Variants in SARAF observed in about 807,000 individuals in gnomAD.
The protein encoded by SARAF is store-operated calcium entry associated regulatory factor.
SARAF carries 23 observed loss-of-function variants against 39.7 expected under a neutral mutation model. The observed-to-expected ratio is 0.58, with a 90% CI of 0.42 to 0.82. SARAF has a LOEUF of 0.82. Ranked by LOEUF, SARAF falls within the 40% of genes least tolerant of loss-of-function variation. The pLI, the probability that SARAF is intolerant of heterozygous loss-of-function variation, is 0.00. For synonymous variants in SARAF, 175 were observed against 168.5 expected, an observed-to-expected ratio of 1.04 and a Z score of -0.30; for missense variants, 384 against 418.5, an observed-to-expected ratio of 0.92 and a Z score of 0.72.
chr8:30,068,959 A>T (rs1414090005), intron 3 of SARAF, among the ~76,000 whole-genome samples: 1 of 152,022 alleles, frequency 6.6e-6, no homozygotes, highest in Non-Finnish European at 1.5e-5. Flanking sequence ...AGGTCATAAC[A>T]AATATTCTCC....
chr8:30,070,243 A>T (rs146054147), intron 2 of SARAF, among the ~76,000 whole-genome samples, 184 bp from the exon 3 acceptor site: 1,738 of 152,190 alleles, frequency 0.011, 37 homozygotes, highest in African/African-American at 0.04. Flanking sequence ...CCCCATCTTT[A>T]TTAAAAATAC....
rs1157747718 is a variant in SARAF at position 30,066,000 on chromosome 8, T to C, written c.982A>G (p.Arg328Gly). The change falls in exon 5 of 6, where the codon AGA (arginine) becomes GGA (glycine). Residue 328 changes from arginine (R) to glycine (G), a missense_variant. Arg to Gly is a moderately radical substitution (Grantham distance 125). Coordinates refer to ENST00000256255, the MANE Select transcript of SARAF (RefSeq NM_016127.6). ...TTTTTGCTCTTACCTGATGCAGTTC[T>C]GGTTTTCGTGTCTGAGTTTGAACAT... is the stretch of plus-strand genomic sequence containing the variant. The part of the protein sequence containing the change: ...SVCSNSDTKT[R>G]TASGYGGTRR... The C allele has an allele frequency of 1.9e-6, 3 of 1,614,176 alleles. No homozygotes were observed. The highest frequency in any genetic ancestry group is 2.2e-5 in the East Asian group (1 of 44,878).
intron 5 of SARAF, among the ~76,000 whole-genome samples, chr8:30,064,769 G>A (rs1238421708): frequency 6.6e-6 from 1 of 151,142 alleles, no homozygotes; most frequent in Non-Finnish European, 1.5e-5. Context: ...CACCATGTTG[G>A]GCAGGCTAGT....
chr8:30,065,261 G>A (rs549201862), intron 5 of SARAF, among the ~76,000 whole-genome samples: 5 of 152,160 alleles, frequency 3.3e-5, no homozygotes, highest in Non-Finnish European at 5.9e-5. Context: ...ATATATCTGA[G>A]AGCAAAACTG....
intron 2 of SARAF, among the ~76,000 whole-genome samples, chr8:30,070,868 AC>A: frequency 6.6e-6 from 1 of 152,302 alleles, no homozygotes; most frequent in East Asian, 1.9e-4. Flanking sequence ...CCATGGACTA[AC>A]TTTCCAAGGT....
intron 2 of SARAF, among the ~76,000 whole-genome samples, chr8:30,070,863 G>A (rs1242793036): frequency 6.6e-6 from 1 of 152,004 alleles, no homozygotes; most frequent in Non-Finnish European, 1.5e-5. Flanking sequence ...TAAAACCATG[G>A]ACTAACTTTC....
At chr8:30,065,553 T>A (rs969300442) in intron 5 of SARAF, among the ~76,000 whole-genome samples, 4 of 152,226 alleles carry the variant, frequency 2.6e-5, no homozygotes, top group African/African-American at 9.6e-5. Flanking sequence ...TTGTTTTTTT[T>A]GTATCTTTGC....
intron 2 of SARAF, among the ~76,000 whole-genome samples, chr8:30,071,122 C>A (rs934203725): frequency 1.3e-5 from 2 of 152,188 alleles, no homozygotes; most frequent in Non-Finnish European, 2.9e-5. Flanking sequence ...GGGCGGATCA[C>A]CTGAGGTCAG....
Position 30,069,645 on chromosome 8 carries a change from T to G in SARAF, c.697A>C (p.Thr233Pro). 6.2e-7 allele frequency: 1 copy of G among 1,613,790 alleles called. No homozygotes were observed. The highest frequency in any genetic ancestry group is 8.5e-7 in the Non-Finnish European group (1 of 1,179,796). The change falls in exon 3 of 6, where the codon ACA (threonine) becomes CCA (proline). Residue 233 changes from threonine (T) to proline (P), a missense_variant. Physicochemically the swap from Thr to Pro is conservative, Grantham distance 38 (BLOSUM62 -1). Transcript: ENST00000256255. ...PPPPGFKSEF[T>P]GPQNTGHGAT... ...GGCCACTGCGAGGGAAACATACCTG[T>G]GAACTCAGACTTAAAGCCTGGGGGA...
chr8:30,069,515 A>C, intron 3 of SARAF, 127 bp downstream of exon 3: 1 of 1,021,396 alleles, frequency 9.8e-7, no homozygotes, highest in Non-Finnish European at 1.5e-6. Flanking sequence ...AGTTGAAAGT[A>C]AAAAACAAAA....
At chr8:30,067,875 A>T (rs1801728060) in intron 3 of SARAF, among the ~76,000 whole-genome samples, 1 of 152,228 alleles carries the variant, frequency 6.6e-6, no homozygotes, top group Non-Finnish European at 1.5e-5. Context: ...CCAGGTATGT[A>T]CATAGGAATA....
Position 30,082,939 on chromosome 8 carries a change from G to A in SARAF, c.11C>T (p.Ala4Val). Residue 4 changes from alanine to valine, a missense_variant, in exon 1 of 6, where the codon GCC becomes GTC. Coordinates refer to ENST00000256255, the MANE Select transcript of SARAF (RefSeq NM_016127.6). MAA[A>V]CGPGAAGYCL... The stretch of plus-strand genomic sequence containing the variant: ...GTACCCGGCCGCTCCCGGCCCGCAG[G>A]CTGCGGCCATGGCGCTCGATGAAGA... 1.3e-6 allele frequency: 2 copies of A among 1,545,628 alleles called. No homozygotes were observed. The highest frequency in any genetic ancestry group is 1.2e-5 in the South Asian group (1 of 83,476).
At chr8:30,069,062 A>G (rs10046786) in intron 3 of SARAF, among the ~76,000 whole-genome samples, 148,920 of 151,156 alleles carry the variant, frequency 0.99, 73,392 homozygotes, top group Middle Eastern at 1. Flanking sequence ...GTGAGACAGG[A>G]GTCAGGGCAA....
chr8:30,080,066 A>ACCATGGGATGACACAGC, intron 1 of SARAF, among the ~76,000 whole-genome samples: 2 of 152,146 alleles, frequency 1.3e-5, no homozygotes, highest in African/African-American at 4.8e-5. Context: ...TGCTCAAGCC[A>ACCATGGGATGACACAGC]AAAACCTTGG....
chr8:30,064,551 A>ATT (rs1387887357), intron 5 of SARAF, among the ~76,000 whole-genome samples: 824 of 45,974 alleles, frequency 0.018, 52 homozygotes, highest in Non-Finnish European at 0.021. Context: ...ATATATATAT[A>ATT]TATATATATA....
intron 2 of SARAF, chr8:30,073,602 C>A: frequency 3.1e-6 from 1 of 320,424 alleles, no homozygotes; most frequent in Non-Finnish European, 5.8e-6. Flanking sequence ...TCCCCTATCC[C>A]TCACCCTCAA....
intron 1 of SARAF, among the ~76,000 whole-genome samples, chr8:30,079,158 C>CAAAAAA (rs60893961): frequency 3.7e-5 from 2 of 54,638 alleles, no homozygotes; most frequent in Admixed American, 1.9e-4. Context: ...AACTCCATCT[C>CAAAAAA]AAAAAAAAAA....
chr8:30,082,719 G>A (rs1330304629), intron 1 of SARAF, 128 bp downstream of exon 1: 4 of 669,344 alleles, frequency 6.0e-6, no homozygotes, highest in Non-Finnish European at 7.3e-6. Flanking sequence ...CAGCAAAGAG[G>A]TCAGACATGG....
chr8:30,078,616 C>A (rs562422042), intron 1 of SARAF, among the ~76,000 whole-genome samples: 7 of 152,306 alleles, frequency 4.6e-5, no homozygotes, highest in African/African-American at 1.4e-4. Context: ...GTGGAACAAA[C>A]TGATGTTACA....
Sources: allele counts gnomAD v4.1 joint callset (sites outside exome capture counted in the v4.1 genomes callset), GRCh38; gene constraint gnomAD v4.1.1; transcripts MANE v1.5; gene names NCBI Gene and HGNC (gene_info 2026-07-23, HGNC 2026-07-21).